TBCE: variants seen among roughly 807,000 people sequenced by gnomAD.
TBCE encodes the protein tubulin folding cofactor E.
Under a neutral mutation model 77.0 loss-of-function variants are expected in TBCE, and 53 were observed. The ratio of observed to expected loss-of-function variants is 0.69; its 90% CI spans 0.55 to 0.87. TBCE has a LOEUF of 0.87. TBCE is among the 40% of genes least tolerant of loss of function. TBCE has a pLI of 0.00. For missense variants in TBCE, 624 were observed against 622.4 expected (o/e 1.00, Z -0.03); for synonymous variants, 235 against 241.3 (o/e 0.97, Z 0.24).
chr1:235,396,235 T>C (rs1678711144), intron 2 of TBCE, among the ~76,000 whole-genome samples: 2 of 151,956 alleles, frequency 1.3e-5, no homozygotes, highest in South Asian at 4.1e-4. Flanking sequence ...ATTTTTTGTA[T>C]TTTTAGTAGA....
chr1:235,424,205 A>G (rs1330549729), intron 5 of TBCE, among the ~76,000 whole-genome samples: 5 of 152,034 alleles, frequency 3.3e-5, no homozygotes, highest in South Asian at 4.1e-4. Context: ...TTGTTCTGCT[A>G]TGAGAAAGCA....
chr1:235,416,744 T>G (rs1260241696), intron 4 of TBCE, among the ~76,000 whole-genome samples: 1 of 152,228 alleles, frequency 6.6e-6, no homozygotes, highest in Admixed American at 6.5e-5. Context: ...GCTAGTGTCT[T>G]TCTTGATTGA....
At chr1:235,409,155 G>A (rs1281958813) in intron 3 of TBCE, among the ~76,000 whole-genome samples, 2 of 152,096 alleles carry the variant, frequency 1.3e-5, no homozygotes, top group African/African-American at 4.8e-5. Flanking sequence ...AGGACAGAAT[G>A]AATCTTGATA....
At chr1:235,415,471 AC>A (rs747912858) in intron 4 of TBCE, 6 of 152,282 alleles carry the variant, frequency 3.9e-5, no homozygotes, top group Non-Finnish European at 8.8e-5. Context: ...GCAGCTTCCT[AC>A]TGTGGTGAGT....
chr1:235,386,354 A>G (rs980485423), intron 2 of TBCE, among the ~76,000 whole-genome samples: 17 of 152,128 alleles, frequency 1.1e-4, no homozygotes, highest in African/African-American at 3.4e-4. Context: ...TTGCCTTGCT[A>G]GATTGGGGAA....
rs112841898 is a variant in TBCE, at chr1:235,379,072, T to C, written c.-31-947T>C. On this transcript the variant is annotated intron_variant, in intron 1 of 16. Coordinates refer to ENST00000642610, the MANE Select transcript of TBCE (RefSeq NM_003193.5). ...AGGTAGCTGCTCTTCTTTTTTCTTT[T>C]CTGTTTTTTCTTTCTCCGACTTCTT... Among the ~76,000 whole-genome samples the C allele has an allele frequency of 7.9e-3, 1,207 of 152,196 alleles. 9 individuals are homozygous for C. Among genetic ancestry groups the C allele is most frequent in the Non-Finnish European group, 0.014 (926 of 68,012 alleles).
chr1:235,398,319 T>A (rs1488678283), intron 2 of TBCE, among the ~76,000 whole-genome samples: 1 of 151,908 alleles, frequency 6.6e-6, no homozygotes, highest in Non-Finnish European at 1.5e-5. Context: ...CTAATTTTTC[T>A]ATTTTTAGTA....
chr1:235,379,618 G>C (rs1010343617), intron 1 of TBCE, among the ~76,000 whole-genome samples: 3 of 151,900 alleles, frequency 2.0e-5, no homozygotes, highest in Admixed American at 2.0e-4. Flanking sequence ...CCCTCTATAG[G>C]CACTTTAAGT....
chr1:235,406,477 C>G (rs532746697), intron 3 of TBCE, among the ~76,000 whole-genome samples: 2 of 152,336 alleles, frequency 1.3e-5, no homozygotes, highest in South Asian at 4.1e-4. Flanking sequence ...GGCATCCGCA[C>G]AGACTAGATC....
chr1:235,442,757 A>G, intron 14 of TBCE, 95 bp from the exon 15 acceptor site: 84 of 1,063,522 alleles, frequency 7.9e-5, no homozygotes, highest in Non-Finnish European at 1.1e-4. Context: ...TGCACTGAAT[A>G]CCTCTATCAT....
chr1:235,439,128 G>C, intron 13 of TBCE: 1 of 645,268 alleles, frequency 1.5e-6, no homozygotes, highest in Non-Finnish European at 2.7e-6. Flanking sequence ...GAGGAACCTG[G>C]GAGACTGTTT....
intron 4 of TBCE, chr1:235,415,829 A>G (rs1260150813): frequency 6.6e-6 from 1 of 152,272 alleles, no homozygotes; most frequent in East Asian, 1.9e-4. Flanking sequence ...GAAATTACAG[A>G]TTGAACAAAA....
chr1:235,436,431 T>A lies in TBCE; in HGVS notation c.879T>A (p.His293Gln). The change falls in exon 10 of 17, where the codon CAT becomes CAA. Residue 293 changes from histidine to glutamine, a missense_variant. His to Gln is a conservative substitution (Grantham distance 24). Transcript: ENST00000642610. ...CTGACACTGGAATTTCTTCTCTACA[T>A]TTTCCGGATGCTGGAATTGGTATAT... The part of the protein sequence containing the change: ...ILSDTGISSL[H>Q]FPDAGIGCKT... 1 of 1,614,090 alleles carries A rather than the reference T, an allele frequency of 6.2e-7. No individual in the cohort carries two copies. Among genetic ancestry groups the A allele is most frequent in the Non-Finnish European group, 8.5e-7 (1 of 1,179,958 alleles).
chr1:235,410,531 T>C (rs755213609), intron 3 of TBCE, among the ~76,000 whole-genome samples: 3 of 152,182 alleles, frequency 2.0e-5, no homozygotes, highest in Non-Finnish European at 2.9e-5. Flanking sequence ...CTTTACTGCA[T>C]GCTGTTTCAT....
Position 235,374,337 on chromosome 1 carries a change from A to G in TBCE, c.-31-5682A>G, listed in dbSNP as rs183168603. On this transcript the variant is annotated intron_variant, in intron 1 of 16. Coordinates refer to ENST00000642610, the MANE Select transcript of TBCE (RefSeq NM_003193.5). ...CATCTGGAATGTGGCGTTCAGTTCTAGATATCGCAATTTAAGCATGGAATC... is the reference window on the plus strand; with the variant it reads ...CATCTGGAATGTGGCGTTCAGTTCTGGATATCGCAATTTAAGCATGGAATC... Among the ~76,000 whole-genome samples the G allele has an allele frequency of 2.8e-3, 411 of 146,030 alleles. 38 individuals carry two copies. The Middle Eastern group carries it at 0.032, about 11-fold the overall frequency.
At chr1:235,406,206 A>T (rs1197142008) in intron 3 of TBCE, among the ~76,000 whole-genome samples, 1 of 152,208 alleles carries the variant, frequency 6.6e-6, no homozygotes, top group Non-Finnish European at 1.5e-5. Flanking sequence ...ATTGGGTCTG[A>T]AGTGGTGGAG....
At chr1:235,411,017 T>TA (rs1329934084) in intron 3 of TBCE, among the ~76,000 whole-genome samples, 26 of 151,978 alleles carry the variant, frequency 1.7e-4, no homozygotes, top group African/African-American at 5.5e-4. Flanking sequence ...AACAGTAAAA[T>TA]AAAAAAAATA....
intron 3 of TBCE, among the ~76,000 whole-genome samples, chr1:235,406,651 C>A (rs983772699): frequency 6.6e-6 from 1 of 152,090 alleles, no homozygotes; most frequent in South Asian, 2.1e-4. Flanking sequence ...CCTGCCTCAG[C>A]CTCCTGAGTA....
At position 235,419,610 on chromosome 1, in the gene TBCE, A is replaced by T. The variant is rs187524337; in HGVS notation, c.460+49A>T. The T allele has an allele frequency of 5.8e-5, 94 of 1,610,774 alleles. 3 individuals are homozygous for T. In the East Asian group the frequency reaches 1.6e-3, roughly 27 times the overall value. ...TTATTGGAATCTGACTATGGATTTT[A>T]TACCTGTGCCAGAGACTGCTAATTG... On this transcript the variant is annotated intron_variant, in intron 5 of 16. Coordinates refer to ENST00000642610, the MANE Select transcript of TBCE (RefSeq NM_003193.5).
Sources: gnomAD v4.1 joint callset for allele counts (sites outside exome capture counted in the v4.1 genomes callset) on GRCh38, gnomAD v4.1.1 for gene constraint, MANE v1.5 for transcripts, NCBI Gene and HGNC (gene_info 2026-07-23, HGNC 2026-07-21) for gene names.